The following MTOR variants were observed in gnomAD, a reference collection of about 807,000 sequenced individuals.
The protein encoded by MTOR is mechanistic target of rapamycin kinase.
A neutral mutation model predicts 319.8 loss-of-function variants in MTOR; 70 were observed. That is an observed-to-expected ratio of 0.22 (90% CI 0.18 to 0.27). The LOEUF (loss-of-function observed/expected upper bound fraction) is 0.27, where lower values mean the gene tolerates loss of function less well. MTOR is among the 10% of genes least tolerant of loss of function. MTOR has a pLI of 1.00. For missense variants in MTOR, 1,890 were observed against 3,274.4 expected, an observed-to-expected ratio of 0.58 and a Z score of 10.32; for synonymous variants, 1,183 against 1,211.4, an observed-to-expected ratio of 0.98 and a Z score of 0.49.
chr1:11,248,451 G>A (rs533266591), intron 6 of MTOR, among the ~76,000 whole-genome samples: 6 of 152,296 alleles, frequency 3.9e-5, no homozygotes, highest in African/African-American at 1.2e-4. Context: ...AAAGGTGATG[G>A]GAGCTCCCCT....
chr1:11,212,212 G>T lies in MTOR; in HGVS notation c.3561+100C>A. The T allele has an allele frequency of 2.1e-6, 3 of 1,415,022 alleles. No individual in the cohort carries two copies. The highest frequency in any genetic ancestry group is 2.9e-6 in the Non-Finnish European group (3 of 1,042,524). The allele number at this position is 1,415,022 out of a possible 1,614,324, so 87.7% of individuals were successfully genotyped here. On this transcript the variant is annotated intron_variant, in intron 23 of 57. Transcript: ENST00000361445. The surrounding 1 kb of genome is among the most constrained non-coding windows in gnomAD (Gnocchi z 4.1). The stretch of plus-strand genomic sequence containing the variant: ...AAAAGCAAGTAATTCCACGTTCTCT[G>T]ATGGTGGCTGGCATCAGACAAAGTC...
Position 11,250,018 on chromosome 1 carries a change from C to T in MTOR, c.841-1924G>A, listed in dbSNP as rs1397055406. Among the ~76,000 whole-genome samples the T allele has an allele frequency of 1.8e-3, 256 of 142,944 alleles. 3 individuals carry two copies. The highest frequency in any genetic ancestry group is 6.4e-3 in the African/African-American group (246 of 38,482). The allele number at this position is 142,944 out of a possible 152,430, so 93.8% of individuals were successfully genotyped here. Reference sequence around the variant, plus strand: ...GGCCGGGCAGAGGCGCCCCTCACCTCCCGGACGGGGTGGCTGGCCGGGCGG... The same window carrying T: ...GGCCGGGCAGAGGCGCCCCTCACCTTCCGGACGGGGTGGCTGGCCGGGCGG... On this transcript the variant is annotated intron_variant, in intron 6 of 57. Transcript: ENST00000361445.
At chr1:11,250,782 T>C (rs1441411878) in intron 6 of MTOR, among the ~76,000 whole-genome samples, 1 of 152,176 alleles carries the variant, frequency 6.6e-6, no homozygotes, top group Non-Finnish European at 1.5e-5. Context: ...CCCAGTCTTC[T>C]CCCGCAAGCC....
Position 11,109,333 on chromosome 1 carries a change from C to A in MTOR, c.7485G>T (p.Lys2495Asn). The A allele has an allele frequency of 6.2e-7, 1 of 1,614,190 alleles. No individual in the cohort carries two copies. The highest frequency in any genetic ancestry group is 8.5e-7 in the Non-Finnish European group (1 of 1,180,030). Residue 2495 changes from lysine to asparagine, a missense_variant, in exon 56 of 58, where the codon AAG becomes AAT. Physicochemically the swap from Lys to Asn is moderately conservative, Grantham distance 94. This residue lies in a region of MTOR where 31 missense variants were observed against 82.1 expected (regional missense o/e 0.38). Transcript: ENST00000361445. This position sits in a 1 kb window ranked among gnomAD's most constrained non-coding sequence, Gnocchi z 4.0. ...DGLVKPEALN[K>N]KAIQIINRVR... ...CCCTGTTAATAATCTGGATAGCTTT[C>A]TTATTTAGGGCCTCTGGTTTCACCA...
intron 13 of MTOR, among the ~76,000 whole-genome samples, chr1:11,236,168 ACT>A (rs1647215905): frequency 7.2e-6 from 1 of 139,588 alleles, no homozygotes; most frequent in African/African-American, 2.7e-5. Flanking sequence ...ATAGGGTCTC[ACT>A]CTGTCACCCA....
At chr1:11,117,679 T>C (rs938544207) in intron 49 of MTOR, among the ~76,000 whole-genome samples, 1 of 152,114 alleles carries the variant, frequency 6.6e-6, no homozygotes, top group Non-Finnish European at 1.5e-5. Context: ...TAGATGACGA[T>C]AGCCCCTGAG....
intron 31 of MTOR, chr1:11,149,352 G>C (rs761619565): frequency 6.6e-6 from 1 of 152,202 alleles, no homozygotes; most frequent in East Asian, 1.9e-4. Context: ...GAAAGGTGAA[G>C]AGGTTGAAAA....
chr1:11,253,942 T>C lies in MTOR; in HGVS notation c.737A>G (p.Asp246Gly). ...GCCCTTCTCTTTGGCCAAGGTCTCA[T>C]CAAATCCCTTCTCTGCTTCTTCAAA... ...HTFEEAEKGFDETLAKEKGMN... is the reference protein window; with the variant it reads ...HTFEEAEKGFGETLAKEKGMN... The change falls in exon 6 of 58, where the codon GAT becomes GGT. Residue 246 changes from aspartate to glycine, a missense_variant. Around this residue, in one of 15 missense-constraint regions of MTOR, gnomAD observed 418 missense variants for 543.1 expected, o/e 0.77. Coordinates refer to ENST00000361445, the MANE Select transcript of MTOR (RefSeq NM_004958.4). 1 of 1,614,108 alleles carries C rather than the reference T, an allele frequency of 6.2e-7. No individual in the cohort carries two copies. Among genetic ancestry groups the C allele is most frequent in the Admixed American group, 1.7e-5 (1 of 60,018 alleles).
At chr1:11,249,054 T>C (rs1649231180) in intron 6 of MTOR, among the ~76,000 whole-genome samples, 2 of 152,034 alleles carry the variant, frequency 1.3e-5, no homozygotes, top group African/African-American at 4.8e-5. Context: ...TGAAAACCCG[T>C]TTCTACTAAA....
At chr1:11,146,941 G>A (rs994614233) in intron 31 of MTOR, 150 bp from the exon 32 acceptor site, 7 of 620,784 alleles carry the variant, frequency 1.1e-5, no homozygotes, top group Admixed American at 7.9e-5. Context: ...CCAAAATCCT[G>A]CAGAGCCCCT....
intron 36 of MTOR, among the ~76,000 whole-genome samples, chr1:11,135,687 G>T (rs1357691292): frequency 6.6e-6 from 1 of 150,580 alleles, no homozygotes; most frequent in Non-Finnish European, 1.5e-5. Context: ...ACAAAAATTA[G>T]CCGGGCGTGG....
At chr1:11,169,316 G>A (rs548891715) in intron 28 of MTOR, among the ~76,000 whole-genome samples, 27 of 152,328 alleles carry the variant, frequency 1.8e-4, no homozygotes, top group Non-Finnish European at 3.4e-4. Flanking sequence ...AGAGTGGGAA[G>A]GGAGAGGTGT....
At chr1:11,249,173 G>A (rs918752616) in intron 6 of MTOR, among the ~76,000 whole-genome samples, 12 of 150,108 alleles carry the variant, frequency 8.0e-5, no homozygotes, top group African/African-American at 2.9e-4. Context: ...GCAGTGAGCC[G>A]AGATCACACC....
chr1:11,224,038 CAAAATAAAATAAAAT>C (rs370686856), intron 19 of MTOR, among the ~76,000 whole-genome samples: 3,170 of 143,240 alleles, frequency 0.022, 63 homozygotes, highest in East Asian at 0.057. Flanking sequence ...TACTCCGTCT[CAAAATAAAATAAAAT>C]AAAATAAAAT....
intron 30 of MTOR, among the ~76,000 whole-genome samples, chr1:11,153,117 T>C (rs185317657): frequency 4.1e-4 from 63 of 152,310 alleles, no homozygotes; most frequent in African/African-American, 1.5e-3. Flanking sequence ...TCTCTTCCAA[T>C]GTATCCAATC....
intron 50 of MTOR, among the ~76,000 whole-genome samples, chr1:11,116,491 G>C (rs973140311): frequency 4.9e-4 from 74 of 151,790 alleles, no homozygotes; most frequent in African/African-American, 1.7e-3. Context: ...ATTATTTTTT[G>C]TAGAGACGGG....
intron 28 of MTOR, among the ~76,000 whole-genome samples, chr1:11,187,666 C>T (rs577710290): frequency 5.9e-5 from 9 of 152,314 alleles, no homozygotes; most frequent in South Asian, 2.1e-4. Context: ...AGCTCAGTGT[C>T]ATTTGATGGC....
At chr1:11,183,718 T>C (rs1041621237) in intron 28 of MTOR, among the ~76,000 whole-genome samples, 1 of 152,226 alleles carries the variant, frequency 6.6e-6, no homozygotes, top group Non-Finnish European at 1.5e-5. Context: ...ATTGTTTTAC[T>C]GTTCACACTT....
chr1:11,146,024 C>CA, intron 32 of MTOR, among the ~76,000 whole-genome samples: 1 of 152,262 alleles, frequency 6.6e-6, no homozygotes, highest in Non-Finnish European at 1.5e-5. Context: ...TCTCATCACA[C>CA]AAATGACAGC....
Sources: allele counts gnomAD v4.1 joint callset (sites outside exome capture counted in the v4.1 genomes callset), GRCh38; gene constraint gnomAD v4.1.1; regional missense constraint gnomAD v4.1.1; non-coding constraint Gnocchi (gnomAD v3.1); transcripts MANE v1.5; gene names NCBI Gene and HGNC (gene_info 2026-07-23, HGNC 2026-07-21).